DMD: variants seen among roughly 807,000 people sequenced by gnomAD.
DMD encodes dystrophin, also known as mutant dystrophin.
Under a neutral mutation model 330.1 loss-of-function variants are expected in DMD, and 63 were observed. That is an observed-to-expected ratio of 0.19 (90% CI 0.16 to 0.24). The LOEUF (loss-of-function observed/expected upper bound fraction) is 0.24, where lower values mean the gene tolerates loss of function less well. Among genes scored for constraint, DMD ranks in the 10% least tolerant of loss-of-function variants. DMD has a pLI of 1.00. For missense variants in DMD, 3,344 were observed against 2,684.1 expected (o/e 1.25, Z -5.43); for synonymous variants, 1,223 against 959.8 (o/e 1.27, Z -5.07).
intron 11 of DMD, among the ~76,000 whole-genome samples, chrX:32,634,694 G>A (rs1008155319): frequency 1.8e-5 from 2 of 111,777 alleles, no homozygotes; most frequent in Non-Finnish European, 3.8e-5. Flanking sequence ...CCTATTGTAT[G>A]TCTGAGCTGG....
At chrX:33,048,689 C>T (rs1425025800) in intron 1 of DMD, among the ~76,000 whole-genome samples, 2 of 57,807 alleles carry the variant, frequency 3.5e-5, no homozygotes, top group Non-Finnish European at 5.9e-5. Context: ...GCGAGACTCC[C>T]CATCTAAAAA....
At chrX:31,167,213 C>T (rs1381217068) in intron 74 of DMD, among the ~76,000 whole-genome samples, 1 of 111,682 alleles carries the variant, frequency 9.0e-6, no homozygotes, top group East Asian at 2.8e-4. Flanking sequence ...TTCAGTTCTA[C>T]CACTGGCTGA....
At chrX:33,179,641 C>T (rs1260334826) in intron 1 of DMD, among the ~76,000 whole-genome samples, 1 of 106,367 alleles carries the variant, frequency 9.4e-6, no homozygotes, top group African/African-American at 3.5e-5. Context: ...TTGCAGTGAG[C>T]CGAGATCGCG....
chrX:31,830,465 G>A (rs1168906433), intron 49 of DMD, among the ~76,000 whole-genome samples: 1 of 110,162 alleles, frequency 9.1e-6, no homozygotes, highest in Non-Finnish European at 1.9e-5. Flanking sequence ...ATGGTGGTGG[G>A]CGCCTGTAAT....
At chrX:31,677,154 CAT>C (rs2082128108) in intron 53 of DMD, among the ~76,000 whole-genome samples, 2 of 110,847 alleles carry the variant, frequency 1.8e-5, no homozygotes. Flanking sequence ...AAACATCTTA[CAT>C]GTTTTGACAA....
intron 4 of DMD, among the ~76,000 whole-genome samples, chrX:32,837,216 C>T (rs755896494): frequency 3.3e-4 from 37 of 111,822 alleles, no homozygotes; most frequent in Admixed American, 4.8e-4. Flanking sequence ...ATACCGTTTT[C>T]CACTCCTACT....
At chrX:32,362,726 C>T in intron 37 of DMD, 62 bp downstream of exon 37, 9 of 1,166,835 alleles carry the variant, frequency 7.7e-6, no homozygotes, top group South Asian at 3.6e-5. Context: ...TTTCAGAGTA[C>T]TGCGCAACCT....
At chrX:31,178,888 C>G in intron 69 of DMD, 83 bp from the exon 70 acceptor site, 1 of 1,092,875 alleles carries the variant, frequency 9.2e-7, no homozygotes, top group Non-Finnish European at 1.3e-6. Flanking sequence ...TGCCCCATGA[C>G]ACTTGTTTTG....
chrX:32,320,003 C>A (rs1426140108), intron 41 of DMD, among the ~76,000 whole-genome samples: 1 of 110,246 alleles, frequency 9.1e-6, no homozygotes, highest in Non-Finnish European at 1.9e-5. Flanking sequence ...TCGAACCCTC[C>A]CTCCACCTCA....
chrX:33,276,630 A>G (rs2053239391), intron 1 of DMD, among the ~76,000 whole-genome samples: 1 of 112,192 alleles, frequency 8.9e-6, no homozygotes, highest in African/African-American at 3.2e-5. Flanking sequence ...TGTAAGTAAA[A>G]AAGAAAGTAA....
intron 52 of DMD, among the ~76,000 whole-genome samples, chrX:31,728,877 A>G (rs5927822): frequency 0.16 from 17,423 of 110,783 alleles, 1,021 homozygotes; most frequent in Middle Eastern, 0.21. Flanking sequence ...AGAAACCGAG[A>G]GAGATCTGAG....
chrX:32,517,093 G>C (rs1279713095), intron 18 of DMD: 2 of 111,254 alleles, frequency 1.8e-5, no homozygotes, highest in Non-Finnish European at 3.8e-5. Context: ...TTGTAACTGA[G>C]GTAATGTCGT....
intron 43 of DMD, among the ~76,000 whole-genome samples, chrX:32,257,697 C>T (rs894482781): frequency 1.6e-4 from 18 of 111,449 alleles, no homozygotes; most frequent in Admixed American, 9.6e-4. Context: ...AACCTAAAAC[C>T]GAAAACCATC....
intron 54 of DMD, among the ~76,000 whole-genome samples, chrX:31,653,534 T>G (rs538309412): frequency 9.1e-6 from 1 of 109,769 alleles, no homozygotes; most frequent in Non-Finnish European, 1.9e-5. Flanking sequence ...TAGTTGGCAG[T>G]TGTGGAAGCC....
chrX:32,463,579 T>C lies in DMD; in HGVS notation c.3292A>G (p.Ile1098Val), dbSNP rs1215676467. 6.9e-6 allele frequency: 8 copies of C among 1,154,811 alleles called. No individual in the cohort carries two copies. The highest frequency in any genetic ancestry group is 1.8e-5 in the African/African-American group (1 of 56,390). The change falls in exon 25 of 79, where the codon ATT (isoleucine) becomes GTT (valine). Residue 1098 changes from isoleucine to valine, a missense_variant. By Grantham distance (29) the Ile-to-Val change is conservative (BLOSUM62 3). Transcript: ENST00000357033. ...LKQCRLLVSDIQTIQPSLNSV... is the reference protein window; with the variant it reads ...LKQCRLLVSDVQTIQPSLNSV... ...TTTAGACTGGGCTGAATTGTCTGAA[T>C]ATCACTGACTAAAAGCTAAGAAAAT...
At chrX:31,959,268 T>C (rs1391127629) in intron 45 of DMD, among the ~76,000 whole-genome samples, 1 of 111,624 alleles carries the variant, frequency 9.0e-6, no homozygotes, top group African/African-American at 3.3e-5. Flanking sequence ...TATTCTACCC[T>C]GGAAAAAATT....
intron 44 of DMD, among the ~76,000 whole-genome samples, chrX:32,053,928 A>G (rs945526492): frequency 9.0e-6 from 1 of 110,610 alleles, no homozygotes; most frequent in Admixed American, 9.7e-5. Flanking sequence ...TCTCTTTTTT[A>G]AAAAAAGACT....
chrX:32,874,086 G>C (rs192259237), intron 2 of DMD, among the ~76,000 whole-genome samples: 61 of 111,915 alleles, frequency 5.5e-4, no homozygotes, highest in Non-Finnish European at 1.0e-3. Context: ...GAGTTGCAAG[G>C]CCTTAAGTCT....
chrX:33,075,353 C>T (rs1263177675), intron 1 of DMD, among the ~76,000 whole-genome samples: 1 of 111,495 alleles, frequency 9.0e-6, no homozygotes, highest in Non-Finnish European at 1.9e-5. Flanking sequence ...AAACCCTAGC[C>T]TCAGACTTCT....
Sources: gnomAD v4.1 joint callset for allele counts (sites outside exome capture counted in the v4.1 genomes callset) on GRCh38, gnomAD v4.1.1 for gene constraint, MANE v1.5 for transcripts, NCBI Gene and HGNC (gene_info 2026-07-23, HGNC 2026-07-21) for gene names.